The following NAV3 variants were observed in gnomAD, a reference collection of about 807,000 sequenced individuals.
NAV3 encodes the protein neuron navigator 3.
In NAV3, 87 loss-of-function variants were observed where a neutral mutation model predicts 244.7. That is an observed-to-expected ratio of 0.36 (90% CI 0.30 to 0.42). NAV3 has a LOEUF of 0.42. Ranked by LOEUF, NAV3 falls within the 20% of genes least tolerant of loss-of-function variation. The pLI is 1.00. For missense variants in NAV3, 2,663 were observed against 2,893.3 expected (o/e 0.92, Z 1.83); for synonymous variants, 1,126 against 1,042.2 (o/e 1.08, Z -1.55).
At chr12:77,619,094 T>C (rs957555784) in intron 2 of NAV3, among the ~76,000 whole-genome samples, 5 of 148,954 alleles carry the variant, frequency 3.4e-5, no homozygotes, top group African/African-American at 1.3e-4. Context: ...TATTGGACAC[T>C]TAGCATAATA....
At chr12:77,631,574 T>C (rs1871900550) in intron 2 of NAV3, among the ~76,000 whole-genome samples, 1 of 151,704 alleles carries the variant, frequency 6.6e-6, no homozygotes, top group African/African-American at 2.4e-5. Flanking sequence ...GAGATCCAAG[T>C]TCAAATCAAA....
chr12:78,113,356 C>G (rs1022368344), intron 12 of NAV3, among the ~76,000 whole-genome samples: 1 of 152,242 alleles, frequency 6.6e-6, no homozygotes, highest in African/African-American at 2.4e-5. Context: ...CCACACTGCC[C>G]TAGCAGAGGT....
At chr12:77,745,605 T>G (rs911930964) in intron 2 of NAV3, among the ~76,000 whole-genome samples, 1 of 152,046 alleles carries the variant, frequency 6.6e-6, no homozygotes, top group Non-Finnish European at 1.5e-5. Context: ...TAAATACTCC[T>G]TGATGAGTTG....
At chr12:77,584,853 C>CA (rs571156203) in intron 2 of NAV3, among the ~76,000 whole-genome samples, 1 of 151,970 alleles carries the variant, frequency 6.6e-6, no homozygotes, top group African/African-American at 2.4e-5. Context: ...TTTCCCCCCT[C>CA]AAAAAAATGT....
intron 2 of NAV3, among the ~76,000 whole-genome samples, chr12:77,721,978 G>T (rs1352326475): frequency 6.6e-6 from 1 of 152,032 alleles, no homozygotes; most frequent in African/African-American, 2.4e-5. Context: ...TTCAAAAATA[G>T]CACACCTAGA....
intron 2 of NAV3, among the ~76,000 whole-genome samples, chr12:77,592,058 C>T (rs927513879): frequency 7.3e-5 from 9 of 123,312 alleles, no homozygotes; most frequent in South Asian, 6.7e-4. Flanking sequence ...ACAGGAGCTT[C>T]GTTCGCACAG....
chr12:77,813,731 A>C (rs1207257250), intron 2 of NAV3, among the ~76,000 whole-genome samples: 3 of 152,232 alleles, frequency 2.0e-5, no homozygotes, highest in Non-Finnish European at 4.4e-5. Context: ...GATGGGTCAG[A>C]AACCACACAG....
At chr12:77,778,538 GGA>G (rs1870500005) in intron 2 of NAV3, among the ~76,000 whole-genome samples, 1 of 150,942 alleles carries the variant, frequency 6.6e-6, no homozygotes, top group Non-Finnish European at 1.5e-5. Context: ...CGTGAACTCA[GGA>G]GACAGAGCTT....
intron 9 of NAV3, among the ~76,000 whole-genome samples, chr12:78,048,492 G>T (rs1382933629): frequency 6.6e-6 from 1 of 152,150 alleles, no homozygotes; most frequent in South Asian, 2.1e-4. Context: ...CAGGTCTTCT[G>T]GAGTTTGCTG....
chr12:78,084,893 C>A (rs1377080134), intron 12 of NAV3, among the ~76,000 whole-genome samples: 1 of 151,666 alleles, frequency 6.6e-6, no homozygotes, highest in Non-Finnish European at 1.5e-5. Context: ...TCTGTGAGAT[C>A]TTTTTTTTCC....
chr12:77,670,354 C>A (rs1292272730), intron 2 of NAV3, among the ~76,000 whole-genome samples: 1 of 152,104 alleles, frequency 6.6e-6, no homozygotes, highest in East Asian at 1.9e-4. Flanking sequence ...CAGCTGAATT[C>A]TATCAGACAT....
intron 12 of NAV3, among the ~76,000 whole-genome samples, chr12:78,114,760 G>T (rs1039429651): frequency 6.6e-6 from 1 of 152,024 alleles, no homozygotes; most frequent in African/African-American, 2.4e-5. Flanking sequence ...ATGTAGGGAA[G>T]GTTTTTAAAA....
At chr12:77,588,922 A>G (rs1869770555) in intron 2 of NAV3, among the ~76,000 whole-genome samples, 1 of 152,138 alleles carries the variant, frequency 6.6e-6, no homozygotes, top group Admixed American at 6.5e-5. Context: ...AGCACTAGGG[A>G]ATGAAGGCAG....
chr12:77,754,262 A>G (rs569538424), intron 2 of NAV3, among the ~76,000 whole-genome samples: 2 of 152,070 alleles, frequency 1.3e-5, no homozygotes, highest in Admixed American at 1.3e-4. Flanking sequence ...GGGAATACCA[A>G]CGCCCCAGTC....
chr12:78,188,192 G>A, intron 31 of NAV3, 56 bp from the exon 32 acceptor site: 1 of 1,270,164 alleles, frequency 7.9e-7, no homozygotes, highest in Non-Finnish European at 1.1e-6. Context: ...AGAAAATGTA[G>A]TAATAAAAAA....
chr12:77,685,154 T>G lies in NAV3; in HGVS notation c.72+112888T>G, dbSNP rs1248706217. 2.6e-5 allele frequency among the ~76,000 whole-genome samples: 4 copies of G among 152,206 alleles called. No homozygotes were observed. In the East Asian group the frequency reaches 7.7e-4, roughly 29 times the overall value. On this transcript the variant is annotated intron_variant, in intron 2 of 8. Coordinates refer to the NAV3 transcript ENST00000550042. Reference sequence around the variant, plus strand: ...AGTACTTACATGAAACCTACTATTGTTCCTATGTTCTCATAGAAAAATATT... The same window carrying G: ...AGTACTTACATGAAACCTACTATTGGTCCTATGTTCTCATAGAAAAATATT...
At chr12:77,810,759 A>G (rs113700397) in intron 2 of NAV3, among the ~76,000 whole-genome samples, 89 of 152,288 alleles carry the variant, frequency 5.8e-4, no homozygotes, top group African/African-American at 2.0e-3. Flanking sequence ...AGTTTTTTTC[A>G]ATCTTTAACA....
At chr12:77,614,955 T>C (rs773689250) in intron 2 of NAV3, among the ~76,000 whole-genome samples, 1 of 152,144 alleles carries the variant, frequency 6.6e-6, no homozygotes, top group Non-Finnish European at 1.5e-5. Context: ...TGGAGACTTA[T>C]TGGAAAATAT....
At chr12:77,816,419 A>T (rs1451971360) in intron 2 of NAV3, among the ~76,000 whole-genome samples, 2 of 152,200 alleles carry the variant, frequency 1.3e-5, no homozygotes, top group Non-Finnish European at 1.5e-5. Flanking sequence ...GTAGTGTCAG[A>T]TAGTCTCTGA....
Sources: allele counts gnomAD v4.1 joint callset (sites outside exome capture counted in the v4.1 genomes callset), GRCh38; gene constraint gnomAD v4.1.1; transcripts MANE v1.5; gene names NCBI Gene and HGNC (gene_info 2026-07-23, HGNC 2026-07-21).